CCDC169: variants seen among roughly 807,000 people sequenced by gnomAD.
CCDC169 encodes the protein coiled-coil domain-containing protein 169.
CCDC169 carries 30 observed loss-of-function variants against 36.0 expected under a neutral mutation model. The observed-to-expected ratio is 0.83, with a 90% CI of 0.62 to 1.13. The LOEUF (loss-of-function observed/expected upper bound fraction) is 1.13. Among genes scored for constraint, CCDC169 ranks in the 50% most tolerant of loss-of-function variants. CCDC169 has a pLI of 0.00. For synonymous variants in CCDC169, 85 were observed against 81.5 expected, an observed-to-expected ratio of 1.04 and a Z score of -0.23; for missense variants, 245 against 245.9, an observed-to-expected ratio of 1.00 and a Z score of 0.03.
intron 4 of CCDC169, chr13:36,281,282 G>GA (rs1594077316): frequency 1.6e-5 from 7 of 433,292 alleles, no homozygotes; most frequent in Admixed American, 5.2e-5. Context: ...GGAAAAAAAA[G>GA]AAAAGAGAAA....
chr13:36,274,201 A>T (rs1876470361), intron 4 of CCDC169: 1 of 152,226 alleles, frequency 6.6e-6, no homozygotes, highest in Non-Finnish European at 1.5e-5. Context: ...GGGAGACGAC[A>T]AAAACACATT....
At chr13:36,258,468 G>A (rs550763037) in intron 4 of CCDC169, among the ~76,000 whole-genome samples, 1 of 152,042 alleles carries the variant, frequency 6.6e-6, no homozygotes, top group Non-Finnish European at 1.5e-5. Flanking sequence ...AAAGAAATGG[G>A]GCAAAACCCA....
downstream of CCDC169, chr13:36,226,806 G>A (rs1869902014): frequency 8.3e-6 from 2 of 240,454 alleles, no homozygotes; most frequent in South Asian, 3.6e-4. Flanking sequence ...GGTGGAGGAA[G>A]AAAGGAGAGC....
chr13:36,292,552 A>G (rs1879029600), intron 2 of CCDC169, among the ~76,000 whole-genome samples: 1 of 152,200 alleles, frequency 6.6e-6, no homozygotes, highest in South Asian at 2.1e-4. Context: ...GGTGACTTTG[A>G]GAATATAAAG....
At chr13:36,296,791 C>G (rs1206224164) in intron 1 of CCDC169, among the ~76,000 whole-genome samples, 1 of 152,170 alleles carries the variant, frequency 6.6e-6, no homozygotes, top group Non-Finnish European at 1.5e-5. Context: ...AACCTGGGAA[C>G]AACAGCAGGA....
chr13:36,267,656 A>G (rs1374252750), intron 4 of CCDC169, among the ~76,000 whole-genome samples: 1 of 152,230 alleles, frequency 6.6e-6, no homozygotes, highest in Non-Finnish European at 1.5e-5. Context: ...CTTAAAAAAT[A>G]CAGAATGAAT....
chr13:36,274,331 C>A (rs1019070391), intron 4 of CCDC169: 6 of 152,116 alleles, frequency 3.9e-5, no homozygotes, highest in Non-Finnish European at 8.8e-5. Flanking sequence ...TAAAATTGTA[C>A]TACAATAACT....
chr13:36,285,562 A>T (rs1242055244), intron 2 of CCDC169, among the ~76,000 whole-genome samples: 4 of 139,706 alleles, frequency 2.9e-5, no homozygotes, highest in Non-Finnish European at 6.5e-5. Context: ...AAAAATAAAA[A>T]TTTTTCTCAA....
chr13:36,256,272 T>C (rs918785945), intron 4 of CCDC169, among the ~76,000 whole-genome samples: 1 of 152,210 alleles, frequency 6.6e-6, no homozygotes, highest in Non-Finnish European at 1.5e-5. Flanking sequence ...GTTCTCATGC[T>C]GCTATGAAGA....
intron 6 of CCDC169, among the ~76,000 whole-genome samples, chr13:36,248,995 T>G (rs1872817655): frequency 6.6e-6 from 1 of 152,136 alleles, no homozygotes; most frequent in South Asian, 2.1e-4. Flanking sequence ...ATATAGATAA[T>G]GCAGGCACCC....
chr13:36,297,024 A>G (rs764256372), intron 1 of CCDC169, among the ~76,000 whole-genome samples: 8 of 152,208 alleles, frequency 5.3e-5, no homozygotes, highest in Non-Finnish European at 1.2e-4. Context: ...CAAGAAATAG[A>G]CAGGCAATTA....
At chr13:36,266,246 T>C (rs898869406) in intron 4 of CCDC169, among the ~76,000 whole-genome samples, 2 of 152,144 alleles carry the variant, frequency 1.3e-5, no homozygotes, top group African/African-American at 4.8e-5. Flanking sequence ...CTTAATTGGC[T>C]TGGCAAGCAG....
At chr13:36,281,974 T>C (rs1479367388) in intron 4 of CCDC169, among the ~76,000 whole-genome samples, 1 of 152,242 alleles carries the variant, frequency 6.6e-6, no homozygotes. Flanking sequence ...AGTTTAAAGA[T>C]AACATTTTAT....
chr13:36,283,961 C>A (rs948949656), intron 2 of CCDC169, among the ~76,000 whole-genome samples: 2 of 152,110 alleles, frequency 1.3e-5, no homozygotes, highest in African/African-American at 4.8e-5. Flanking sequence ...TCCCTACTTC[C>A]CACCTGCTTT....
downstream of CCDC169, chr13:36,227,286 G>A (rs1391774610): frequency 1.2e-5 from 19 of 1,551,406 alleles, no homozygotes; most frequent in Admixed American, 2.0e-5. Context: ...TCCGAGGCAT[G>A]TCCTATTCTC....
At chr13:36,272,104 AAAAT>A (rs1186074116) in intron 4 of CCDC169, among the ~76,000 whole-genome samples, 2 of 84,422 alleles carry the variant, frequency 2.4e-5, no homozygotes, top group African/African-American at 7.4e-5. Flanking sequence ...AAAAACTAAA[AAAAT>A]AAATAAATAA....
At position 36,231,232 on chromosome 13, in the gene CCDC169, C is replaced by A. The variant is rs1172441358; in HGVS notation, c.606G>T (p.Lys202Asn). The A allele has an allele frequency of 1.3e-6, 2 of 1,551,298 alleles. No homozygotes were observed. Among genetic ancestry groups the A allele is most frequent in the Admixed American group, 3.9e-5 (2 of 50,972 alleles). Residue 202 changes from lysine (K) to asparagine (N), a missense_variant, in exon 8 of 8, where the codon AAG (lysine) becomes AAT (asparagine). Physicochemically the swap from Lys to Asn is moderately conservative, Grantham distance 94. Transcript: ENST00000239859. Reference protein sequence around the residue: ...TVSAKRGPVKKITRPNHLPEL... With the variant: ...TVSAKRGPVKNITRPNHLPEL... ...CTGGAAGATGGTTTGGTCTTGTAAT[C>A]TTTTTTACTGGTCCTCTCTTGGCAC...
rs1364844546 is a variant in CCDC169, at chr13:36,272,284, C to T, written c.315+11185G>A. ...ATAAAAAATTTTTGAAAAAAGACAT[C>T]AGGGAACTTTAAGTTGAAGTCAGCT... is the stretch of plus-strand genomic sequence containing the variant. On this transcript the variant is annotated intron_variant, in intron 4 of 7. Transcript: ENST00000239859. 3.3e-5 allele frequency among the ~76,000 whole-genome samples: 5 copies of T among 150,958 alleles called. No individual in the cohort carries two copies. The South Asian group carries it at 1.0e-3, about 31-fold the overall frequency.
At chr13:36,293,168 G>A (rs1879112766) in intron 2 of CCDC169, among the ~76,000 whole-genome samples, 1 of 152,124 alleles carries the variant, frequency 6.6e-6, no homozygotes, top group Non-Finnish European at 1.5e-5. Context: ...TGTCACATGT[G>A]CGCATATTTC....
Sources: allele counts gnomAD v4.1 joint callset (sites outside exome capture counted in the v4.1 genomes callset), GRCh38; gene constraint gnomAD v4.1.1; transcripts MANE v1.5; gene names NCBI Gene and HGNC (gene_info 2026-07-23, HGNC 2026-07-21).